The following PSMD13 variants were observed in gnomAD, a reference collection of about 807,000 sequenced individuals.
PSMD13 encodes proteasome 26S subunit, non-ATPase 13.
PSMD13 carries 8 observed loss-of-function variants against 57.4 expected under a neutral mutation model. The observed-to-expected ratio is 0.14, with a 90% CI of 0.08 to 0.25. The LOEUF (loss-of-function observed/expected upper bound fraction) is 0.25, where lower values mean the gene tolerates loss of function less well. Ranked by LOEUF, PSMD13 falls within the 10% of genes least tolerant of loss-of-function variation. The probability of loss-of-function intolerance (pLI) is 1.00; values close to 1 mark genes in which losing one functional copy is unlikely to be tolerated. For synonymous variants in PSMD13, 193 were observed against 168.2 expected (o/e 1.15, Z -1.14); for missense variants, 400 against 461.5 (o/e 0.87, Z 1.22).
intron 6 of PSMD13, among the ~76,000 whole-genome samples, chr11:245,993 G>A (rs1049541353): frequency 6.6e-6 from 1 of 152,120 alleles, no homozygotes; most frequent in Non-Finnish European, 1.5e-5. Context: ...CAGGGTCCCA[G>A]TACCCTTCAG....
chr11:246,121 CAT>C (rs1409329962), intron 6 of PSMD13, among the ~76,000 whole-genome samples: 8 of 152,172 alleles, frequency 5.3e-5, no homozygotes, highest in Admixed American at 3.9e-4. Flanking sequence ...GTTTCAGAGT[CAT>C]GTGGGTATGT....
At position 251,732 on chromosome 11, in the gene PSMD13, G is replaced by A; in HGVS notation, c.919-88G>A. 1 of 1,531,492 alleles carries A rather than the reference G, an allele frequency of 6.5e-7. No homozygotes were observed. The allele number at this position is 1,531,492 out of a possible 1,614,324, so 94.9% of individuals were successfully genotyped here. On this transcript the variant is annotated intron_variant, in intron 11 of 12. Coordinates refer to ENST00000532097, the MANE Select transcript of PSMD13 (RefSeq NM_002817.4). The surrounding 1 kb of genome is among the most constrained non-coding windows in gnomAD (Gnocchi z 4.6). ...CCCTAGACAGTAAAAAATGACGGGA[G>A]GAGCGGCATCTGCTTCTCACAAGCC...
rs1401833852 is a variant in PSMD13 at position 239,192 on chromosome 11, C to T, written c.174+116C>T. Reference sequence around the variant, plus strand: ...GCTCCAATATTCAGCAGTCACTTTACGTCAGGTACTGGTCTGAGCGCTTCA... The same window carrying T: ...GCTCCAATATTCAGCAGTCACTTTATGTCAGGTACTGGTCTGAGCGCTTCA... On this transcript the variant is annotated intron_variant, in intron 2 of 12. Transcript: ENST00000532097. 9.0e-6 allele frequency: 9 copies of T among 1,003,944 alleles called. No homozygotes were observed. The East Asian group carries it at 1.2e-4, about 14-fold the overall frequency. The allele number at this position is 1,003,944 out of a possible 1,614,324, so 62.2% of individuals were successfully genotyped here.
intron 2 of PSMD13, among the ~76,000 whole-genome samples, chr11:241,874 C>T (rs1859523511): frequency 6.6e-6 from 1 of 152,178 alleles, no homozygotes; most frequent in East Asian, 1.9e-4. Flanking sequence ...CTGGTTCGGC[C>T]TTGCACTCTG....
intron 2 of PSMD13, among the ~76,000 whole-genome samples, chr11:241,623 T>TG (rs1859517596): frequency 1.3e-5 from 2 of 152,304 alleles, no homozygotes; most frequent in Admixed American, 1.3e-4. Flanking sequence ...CTTGGCCCAG[T>TG]TACCCCTAAC....
chr11:237,385 C>T (rs1859318836), intron 1 of PSMD13, among the ~76,000 whole-genome samples: 1 of 152,206 alleles, frequency 6.6e-6, no homozygotes, highest in Non-Finnish European at 1.5e-5. Context: ...ATGTTTCGGT[C>T]TGAGATTCAC....
intron 2 of PSMD13, chr11:243,537 G>A (rs1209375698): frequency 8.9e-6 from 3 of 337,326 alleles, no homozygotes; most frequent in South Asian, 2.5e-5. Flanking sequence ...CTTACTTATG[G>A]GATTCACCTT....
Position 251,645 on chromosome 11 carries a change from G to A in PSMD13, c.918+19G>A, listed in dbSNP as rs756648134. The stretch of plus-strand genomic sequence containing the variant: ...GAATGAGGTACGGTCCCTAGGCTCA[G>A]GGTGTTAGAGCAGCAAAGCTGCCAC... On this transcript the variant is annotated intron_variant, in intron 11 of 12. Transcript: ENST00000532097. This position sits in a 1 kb window ranked among gnomAD's most constrained non-coding sequence, Gnocchi z 4.6. 3 of 1,604,566 alleles carry A rather than the reference G, an allele frequency of 1.9e-6. No homozygotes were observed. The South Asian group carries it at 3.3e-5, about 18-fold the overall frequency.
At chr11:248,637 G>C (rs554508037) in intron 7 of PSMD13, 139 bp from the exon 8 acceptor site, 1 of 782,200 alleles carries the variant, frequency 1.3e-6, no homozygotes, top group Admixed American at 2.4e-5. Context: ...TACTTCAGAA[G>C]AGGTGACTAA....
At position 247,263 on chromosome 11, in the gene PSMD13, C is replaced by T. The variant is rs746483303; in HGVS notation, c.397-14C>T. 6.9e-6 allele frequency: 11 copies of T among 1,588,334 alleles called. No homozygotes were observed. In the South Asian group the frequency reaches 8.0e-5, roughly 12 times the overall value. On this transcript the variant is annotated splice_polypyrimidine_tract_variant and intron_variant, in intron 6 of 12. Coordinates refer to ENST00000532097, the MANE Select transcript of PSMD13 (RefSeq NM_002817.4). The stretch of plus-strand genomic sequence containing the variant: ...TAACTTAAAAAGAGAGATGATTTTC[C>T]TTCCTGTGTATAGGAAACAATTGAA...
At chr11:249,560 C>G (rs116901479) in intron 9 of PSMD13, among the ~76,000 whole-genome samples, 1 of 86,416 alleles carries the variant, frequency 1.2e-5, no homozygotes, top group Non-Finnish European at 2.2e-5. Context: ...GGGAGAGCGG[C>G]GGGTGCGGGG....
rs777837329 is a variant in PSMD13 at position 244,169 on chromosome 11, C to T, written c.218C>T (p.Pro73Leu). 6.2e-7 allele frequency: 1 copy of T among 1,609,152 alleles called. No homozygotes were observed. The highest frequency in any genetic ancestry group is 1.3e-5 in the African/African-American group (1 of 74,872). Residue 73 changes from proline (P) to leucine (L), a missense_variant, in exon 4 of 13, where the codon CCT (proline) becomes CTT (leucine). By Grantham distance (98) the Pro-to-Leu change is moderately conservative. Coordinates refer to ENST00000532097, the MANE Select transcript of PSMD13 (RefSeq NM_002817.4). ...GGTGGCTTTTATTTCAGGGTGAACC[C>T]TTTGTCCCTCGTGGAAATCATTCTT... ...FISEFEHRVN[P>L]LSLVEIILHV...
Position 236,993 on chromosome 11 carries a change from A to T in PSMD13, c.-57A>T. The stretch of plus-strand genomic sequence containing the variant: ...AAGTGAGTGAGCATTTCCGGCAGCC[A>T]TCCCCGCGGTGCTGACATCCCGGTT... On this transcript the variant is annotated 5_prime_UTR_variant, in exon 1 of 13. Transcript: ENST00000532097. 6.9e-7 allele frequency: 1 copy of T among 1,447,308 alleles called. No homozygotes were observed. The highest frequency in any genetic ancestry group is 9.7e-7 in the Non-Finnish European group (1 of 1,034,378). The allele number at this position is 1,447,308 out of a possible 1,614,324, so 89.7% of individuals were successfully genotyped here.
chr11:241,148 G>T (rs1859505548), intron 2 of PSMD13, among the ~76,000 whole-genome samples: 1 of 141,490 alleles, frequency 7.1e-6, no homozygotes, highest in African/African-American at 2.7e-5. Flanking sequence ...ATTTATTTTG[G>T]GTGGGCAAAG....
chr11:237,248 C>G (rs73394724), intron 1 of PSMD13, 104 bp downstream of exon 1: 43 of 1,094,050 alleles, frequency 3.9e-5, no homozygotes, highest in Non-Finnish European at 5.4e-5. Context: ...CGCCCAGACC[C>G]AAGTTGGGGG....
Position 245,679 on chromosome 11 carries a change from TGTTTGCATGTGTGTTC to T in PSMD13, c.396+921_396+936del, listed in dbSNP as rs1230486488. On this transcript the variant is annotated intron_variant, in intron 6 of 12. Coordinates refer to ENST00000532097, the MANE Select transcript of PSMD13 (RefSeq NM_002817.4). ...GTGTGTGTGTGTGTGTGTGTGTGTGTGTTTGCATGTGTGTTCGTGTGTTTGTGTGTGTTTGTGTGTG... is the reference window on the plus strand; with the variant it reads ...GTGTGTGTGTGTGTGTGTGTGTGTGTGTGTGTTTGTGTGTGTTTGTGTGTG... 8.3e-4 allele frequency among the ~76,000 whole-genome samples: 98 copies of T among 118,320 alleles called. 2 individuals are homozygous for T. In the Middle Eastern group the frequency reaches 0.011, roughly 13 times the overall value. 77.6% of individuals were successfully genotyped at this position (118,320 alleles called of 152,430 possible).
rs1564824226 is a variant in PSMD13, at chr11:251,441, T to C, written c.838-105T>C. 4.0e-6 allele frequency: 4 copies of C among 990,556 alleles called. No individual in the cohort carries two copies. The Admixed American group carries it at 7.5e-5, about 19-fold the overall frequency. 61.4% of individuals were successfully genotyped at this position (990,556 alleles called of 1,614,324 possible). ...GGAAACTTTTTAGTATGTGGGGTACTAATAAGATCTCTATTTTCAGAGCCA... is the reference window on the plus strand; with the variant it reads ...GGAAACTTTTTAGTATGTGGGGTACCAATAAGATCTCTATTTTCAGAGCCA... On this transcript the variant is annotated intron_variant, in intron 10 of 12. Coordinates refer to ENST00000532097, the MANE Select transcript of PSMD13 (RefSeq NM_002817.4). The surrounding 1 kb of genome is among the most constrained non-coding windows in gnomAD (Gnocchi z 4.6).
chr11:237,026 T>C lies in PSMD13; in HGVS notation c.-24T>C, dbSNP rs745366601. ...GGTGCTGACATCCCGGTTGTTCTTCTGTGCCGGGGGTCTTCCTGCTGTCAT... is the reference window on the plus strand; with the variant it reads ...GGTGCTGACATCCCGGTTGTTCTTCCGTGCCGGGGGTCTTCCTGCTGTCAT... On this transcript the variant is annotated 5_prime_UTR_variant, in exon 1 of 13. Transcript: ENST00000532097. 8 of 1,584,750 alleles carry C rather than the reference T, an allele frequency of 5.0e-6. No homozygotes were observed. In the South Asian group the frequency reaches 7.7e-5, roughly 15 times the overall value.
chr11:241,164 G>C (rs1859505786), intron 2 of PSMD13, among the ~76,000 whole-genome samples: 1 of 145,970 alleles, frequency 6.9e-6, no homozygotes, highest in South Asian at 2.2e-4. Context: ...CAAAGGGACA[G>C]AGTCTCGCAC....
Sources: allele counts gnomAD v4.1 joint callset (sites outside exome capture counted in the v4.1 genomes callset), GRCh38; gene constraint gnomAD v4.1.1; non-coding constraint Gnocchi (gnomAD v3.1); transcripts MANE v1.5; gene names NCBI Gene and HGNC (gene_info 2026-07-23, HGNC 2026-07-21).